Variants in DPYD observed in about 807,000 individuals in gnomAD.
DPYD encodes the protein dihydropyrimidine dehydrogenase, also known as dihydropyrimidine dehydrogenase [NADP(+)].
DPYD carries 109 observed loss-of-function variants against 116.2 expected under a neutral mutation model. The observed-to-expected ratio is 0.94, with a 90% CI of 0.80 to 1.10. The LOEUF is 1.10. Ranked by LOEUF, DPYD falls within the 50% of genes least tolerant of loss-of-function variation. The pLI is 0.00. For synonymous variants in DPYD, 440 were observed against 432.0 expected, an observed-to-expected ratio of 1.02 and a Z score of -0.23; for missense variants, 1,302 against 1,254.5, an observed-to-expected ratio of 1.04 and a Z score of -0.57.
intron 16 of DPYD, among the ~76,000 whole-genome samples, chr1:97,318,621 C>T (rs1668017956): frequency 6.6e-6 from 1 of 151,878 alleles, no homozygotes. Context: ...GACTCCCACA[C>T]ATTAATAATG....
At position 97,240,544 on chromosome 1, in the gene DPYD, A is replaced by C. The variant is rs570885830; in HGVS notation, c.2300-5550T>G. On this transcript the variant is annotated intron_variant, in intron 18 of 22. Transcript: ENST00000370192. ...TCCCTGATAATAGCTCTAGCTGGCA[A>C]TAAAACAGAAATTGGGTTATAATAC... is the stretch of plus-strand genomic sequence containing the variant. 3.3e-5 allele frequency among the ~76,000 whole-genome samples: 5 copies of C among 152,182 alleles called. No homozygotes were observed. The South Asian group carries it at 1.0e-3, about 32-fold the overall frequency.
At chr1:97,889,649 A>G (rs940286702) in intron 1 of DPYD, among the ~76,000 whole-genome samples, 1 of 152,116 alleles carries the variant, frequency 6.6e-6, no homozygotes, top group South Asian at 2.1e-4. Flanking sequence ...ATCTTTAAAC[A>G]ATACTAATTA....
At chr1:97,205,246 T>C (rs903416354) in intron 19 of DPYD, among the ~76,000 whole-genome samples, 1 of 152,106 alleles carries the variant, frequency 6.6e-6, no homozygotes, top group Admixed American at 6.6e-5. Flanking sequence ...ATGACATGTA[T>C]TCATCATTAG....
rs12088402 is a variant in DPYD at position 97,393,714 on chromosome 1, T to C, written c.1906-11253A>G. Among the ~76,000 whole-genome samples the C allele has an allele frequency of 7.6e-3, 1,156 of 152,236 alleles. 17 individuals are homozygous for C. Among genetic ancestry groups the C allele is most frequent in the African/African-American group, 0.027 (1,104 of 41,554 alleles). On this transcript the variant is annotated intron_variant, in intron 14 of 22. Transcript: ENST00000370192. ...ATCATTGATGGACATTTGGGTTGGT[T>C]CCAAGTCTGCTATTGTGAATAGTGC...
intron 2 of DPYD, among the ~76,000 whole-genome samples, chr1:97,863,534 TTAAA>T (rs1238570832): frequency 1.3e-5 from 2 of 151,804 alleles, no homozygotes; most frequent in Non-Finnish European, 2.9e-5. Context: ...AAAAAGATGA[TTAAA>T]TATATAATTA....
At chr1:97,797,881 A>G (rs1183639774) in intron 3 of DPYD, 2 of 152,194 alleles carry the variant, frequency 1.3e-5, no homozygotes, top group East Asian at 1.9e-4. Flanking sequence ...AAGATTTATG[A>G]TAAGTTCTGA....
intron 20 of DPYD, among the ~76,000 whole-genome samples, chr1:97,166,205 T>G (rs1557905952): frequency 6.6e-6 from 1 of 152,134 alleles, no homozygotes; most frequent in African/African-American, 2.4e-5. Context: ...CAATGGCAGA[T>G]TAGATAAAGA....
At chr1:97,530,556 T>C (rs1008540332) in intron 12 of DPYD, among the ~76,000 whole-genome samples, 1 of 152,208 alleles carries the variant, frequency 6.6e-6, no homozygotes, top group Non-Finnish European at 1.5e-5. Context: ...AGGTTATATC[T>C]TGGCTATTGT....
At chr1:97,195,205 T>C (rs1658662493) in intron 19 of DPYD, among the ~76,000 whole-genome samples, 1 of 151,982 alleles carries the variant, frequency 6.6e-6, no homozygotes, top group Non-Finnish European at 1.5e-5. Flanking sequence ...AAAACAAAAC[T>C]GAGCAAAGAA....
chr1:97,781,713 G>A (rs1413498431), intron 3 of DPYD, among the ~76,000 whole-genome samples: 2 of 152,138 alleles, frequency 1.3e-5, no homozygotes, highest in Admixed American at 6.6e-5. Flanking sequence ...AGCTTTAAAT[G>A]ATAGACATTA....
chr1:97,857,890 G>A (rs1054756836), intron 2 of DPYD, among the ~76,000 whole-genome samples: 3 of 151,902 alleles, frequency 2.0e-5, no homozygotes, highest in African/African-American at 7.3e-5. Flanking sequence ...CTATCTCCAG[G>A]TAAATAATGT....
At position 97,166,436 on chromosome 1, in the gene DPYD, A is replaced by G. The variant is rs1480520029; in HGVS notation, c.2622+26633T>C. 4.3e-4 allele frequency among the ~76,000 whole-genome samples: 66 copies of G among 152,146 alleles called. 1 individual carries two copies. Among genetic ancestry groups the G allele is most frequent in the Non-Finnish European group, 1.9e-4 (13 of 68,022 alleles). On this transcript the variant is annotated intron_variant, in intron 20 of 22. Coordinates refer to ENST00000370192, the MANE Select transcript of DPYD (RefSeq NM_000110.4). ...CTGAGAGTGAGGGGTGGGAGAAAAC[A>G]GATAATCAGAAAAAATAACTATTGG... is the stretch of plus-strand genomic sequence containing the variant.
At chr1:97,833,661 C>T (rs1669634455) in intron 2 of DPYD, among the ~76,000 whole-genome samples, 1 of 151,866 alleles carries the variant, frequency 6.6e-6, no homozygotes, top group Non-Finnish European at 1.5e-5. Context: ...TATGTAAATC[C>T]ATTAGTACAT....
intron 1 of DPYD, among the ~76,000 whole-genome samples, chr1:97,884,876 A>C (rs1672401759): frequency 1.3e-5 from 2 of 152,052 alleles, no homozygotes; most frequent in South Asian, 2.1e-4. Context: ...TCATAAATAT[A>C]ATTTTTAATT....
At chr1:97,497,222 T>G (rs151170812) in intron 13 of DPYD, among the ~76,000 whole-genome samples, 3 of 151,980 alleles carry the variant, frequency 2.0e-5, no homozygotes, top group Admixed American at 6.6e-5. Context: ...TAATTCTGTA[T>G]GTTTTGCTCA....
At chr1:97,257,947 G>C (rs965581376) in intron 18 of DPYD, among the ~76,000 whole-genome samples, 1 of 152,076 alleles carries the variant, frequency 6.6e-6, no homozygotes, top group African/African-American at 2.4e-5. Flanking sequence ...ACTTTGTCTA[G>C]TTGGGTCATC....
intron 8 of DPYD, among the ~76,000 whole-genome samples, chr1:97,603,374 C>T (rs986579870): frequency 4.6e-5 from 7 of 151,990 alleles, no homozygotes; most frequent in Non-Finnish European, 2.9e-5. Flanking sequence ...AGGCAGTAAT[C>T]TCAACAGCAG....
At chr1:97,332,055 A>T (rs944761605) in intron 16 of DPYD, among the ~76,000 whole-genome samples, 5 of 152,142 alleles carry the variant, frequency 3.3e-5, no homozygotes, top group African/African-American at 1.2e-4. Context: ...CTATTAGTTG[A>T]TCATTGTTAT....
chr1:97,785,207 A>G (rs1666953920), intron 3 of DPYD, among the ~76,000 whole-genome samples: 1 of 152,208 alleles, frequency 6.6e-6, no homozygotes, highest in South Asian at 2.1e-4. Context: ...AACACCACAA[A>G]GTCCATTGAA....
Sources: allele counts gnomAD v4.1 joint callset (sites outside exome capture counted in the v4.1 genomes callset), GRCh38; gene constraint gnomAD v4.1.1; transcripts MANE v1.5; gene names NCBI Gene and HGNC (gene_info 2026-07-23, HGNC 2026-07-21).